PLA2G4A: variants seen among roughly 807,000 people sequenced by gnomAD.
PLA2G4A encodes the protein cytosolic phospholipase A2.
PLA2G4A carries 40 observed loss-of-function variants against 81.9 expected under a neutral mutation model. That is an observed-to-expected ratio of 0.49 (90% CI 0.38 to 0.64). The LOEUF (loss-of-function observed/expected upper bound fraction) is 0.64, where lower values mean the gene tolerates loss of function less well. PLA2G4A is among the 30% of genes least tolerant of loss of function. The pLI is 0.00. For synonymous variants in PLA2G4A, 302 were observed against 296.9 expected, an observed-to-expected ratio of 1.02 and a Z score of -0.18; for missense variants, 715 against 905.1, an observed-to-expected ratio of 0.79 and a Z score of 2.69.
Position 186,911,272 on chromosome 1 carries a change from T to A in PLA2G4A, c.441T>A (p.Ser147Arg). 6.2e-7 allele frequency: 1 copy of A among 1,612,678 alleles called. No individual in the cohort carries two copies. Among genetic ancestry groups the A allele is most frequent in the Non-Finnish European group, 8.5e-7 (1 of 1,178,742 alleles). Residue 147 changes from serine (S) to arginine (R), a missense_variant, in exon 7 of 18, where the codon AGT becomes AGA. Ser to Arg is a moderately radical substitution (Grantham distance 110, BLOSUM62 -1). Transcript: ENST00000367466. ...GCTCATGCCCAGACCTACGATTTAG[T>A]ATGGCTCTGTGTGATCAGGAGAAGA... The part of the protein sequence containing the change: ...EVCSCPDLRF[S>R]MALCDQEKTF...
intron 3 of PLA2G4A, among the ~76,000 whole-genome samples, chr1:186,883,588 A>G (rs184334594): frequency 1.6e-3 from 239 of 152,276 alleles, no homozygotes; most frequent in African/African-American, 5.6e-3. Flanking sequence ...AAGAATTCTA[A>G]TAAGAGATTT....
At chr1:186,946,564 G>T in intron 10 of PLA2G4A, 73 bp from the exon 11 acceptor site, 1 of 1,004,266 alleles carries the variant, frequency 1.0e-6, no homozygotes, top group Non-Finnish European at 1.6e-6. Context: ...TTATTAAAGT[G>T]ATCATTAATT....
At position 186,932,831 on chromosome 1, in the gene PLA2G4A, G is replaced by A. The variant is rs761525336; in HGVS notation, c.627G>A (p.Met209Ile). The A allele has an allele frequency of 1.2e-6, 2 of 1,613,128 alleles. No homozygotes were observed. Among genetic ancestry groups the A allele is most frequent in the South Asian group, 1.1e-5 (1 of 91,070 alleles). ...CCATGGTGGGATTCTCTGGTGTGATGAAGGCATTATACGAATCAGGAATTC... is the reference window on the plus strand; with the variant it reads ...CCATGGTGGGATTCTCTGGTGTGATAAAGGCATTATACGAATCAGGAATTC... ...FRAMVGFSGV[M>I]KALYESGILD... is the part of the protein sequence containing the mutation. Residue 209 changes from methionine to isoleucine, a missense_variant, in exon 8 of 18, where the codon ATG becomes ATA. Coordinates refer to ENST00000367466, the MANE Select transcript of PLA2G4A (RefSeq NM_024420.3).
intron 16 of PLA2G4A, 132 bp downstream of exon 16, chr1:186,977,920 A>G: frequency 1.4e-6 from 1 of 718,858 alleles, no homozygotes; most frequent in Admixed American, 2.0e-5. Flanking sequence ...CTTGATAAAT[A>G]GATACTATTC....
chr1:186,891,860 T>C (rs566254390), intron 3 of PLA2G4A, among the ~76,000 whole-genome samples: 17 of 152,312 alleles, frequency 1.1e-4, no homozygotes, highest in Admixed American at 8.5e-4. Flanking sequence ...TTTTAGGTTT[T>C]TGAGGAACCT....
At chr1:186,882,082 C>A (rs1030651239) in intron 3 of PLA2G4A, among the ~76,000 whole-genome samples, 4 of 152,146 alleles carry the variant, frequency 2.6e-5, no homozygotes, top group African/African-American at 9.7e-5. Context: ...TGAACTTGCT[C>A]AGCTCACTAA....
intron 2 of PLA2G4A, among the ~76,000 whole-genome samples, chr1:186,868,947 C>T (rs1235649316): frequency 6.8e-6 from 1 of 147,894 alleles, no homozygotes; most frequent in Non-Finnish European, 1.5e-5. Context: ...CTTAGCATGG[C>T]TAATGGCTCA....
intron 1 of PLA2G4A, among the ~76,000 whole-genome samples, chr1:186,837,746 A>G (rs1651836451): frequency 6.7e-6 from 1 of 148,294 alleles, no homozygotes; most frequent in Admixed American, 6.7e-5. Flanking sequence ...CAAAAAAAAA[A>G]AAAAAAGAAA....
At chr1:186,890,406 T>C (rs1654093328) in intron 3 of PLA2G4A, among the ~76,000 whole-genome samples, 1 of 152,174 alleles carries the variant, frequency 6.6e-6, no homozygotes. Context: ...AAAGGAGTGA[T>C]CAATACTTGC....
At chr1:186,869,838 G>A (rs1653187652) in intron 2 of PLA2G4A, among the ~76,000 whole-genome samples, 1 of 152,200 alleles carries the variant, frequency 6.6e-6, no homozygotes, top group South Asian at 2.1e-4. Flanking sequence ...TAGGTGAAGT[G>A]TCTAATGAAG....
chr1:186,835,902 C>T (rs1651760738), intron 1 of PLA2G4A, among the ~76,000 whole-genome samples: 1 of 152,130 alleles, frequency 6.6e-6, no homozygotes, highest in African/African-American at 2.4e-5. Flanking sequence ...TTACTTGGTA[C>T]TTAATTTTTG....
intron 1 of PLA2G4A, among the ~76,000 whole-genome samples, chr1:186,844,790 A>AT (rs1652113101): frequency 6.6e-6 from 1 of 152,240 alleles, no homozygotes; most frequent in African/African-American, 2.4e-5. Flanking sequence ...GTATAATAAA[A>AT]AAAATTTATT....
At chr1:186,949,784 G>T (rs535055989) in intron 12 of PLA2G4A, among the ~76,000 whole-genome samples, 31 of 152,096 alleles carry the variant, frequency 2.0e-4, no homozygotes, top group African/African-American at 7.2e-4. Flanking sequence ...TTCTTTGGGA[G>T]GCCAAGGAAG....
chr1:186,887,513 C>T (rs554600278), intron 3 of PLA2G4A, among the ~76,000 whole-genome samples: 1 of 152,220 alleles, frequency 6.6e-6, no homozygotes, highest in African/African-American at 2.4e-5. Context: ...CTGTATTCCA[C>T]ACCCCCGACA....
chr1:186,861,137 G>A (rs1571342636), intron 2 of PLA2G4A, among the ~76,000 whole-genome samples: 1 of 152,154 alleles, frequency 6.6e-6, no homozygotes, highest in Admixed American at 6.6e-5. Flanking sequence ...CTAGCAGTTT[G>A]GGACAAATGT....
At chr1:186,856,024 C>A (rs1401293906) in intron 2 of PLA2G4A, among the ~76,000 whole-genome samples, 2 of 151,848 alleles carry the variant, frequency 1.3e-5, no homozygotes, top group Non-Finnish European at 2.9e-5. Context: ...CTTTGCATTT[C>A]CATATAATTT....
At chr1:186,917,772 A>G (rs1361311723) in intron 7 of PLA2G4A, among the ~76,000 whole-genome samples, 1 of 152,212 alleles carries the variant, frequency 6.6e-6, no homozygotes, top group Non-Finnish European at 1.5e-5. Context: ...TGTTACCTCC[A>G]CATTTTGGCA....
chr1:186,919,713 A>T (rs147683069), intron 7 of PLA2G4A, among the ~76,000 whole-genome samples: 1 of 152,182 alleles, frequency 6.6e-6, no homozygotes, highest in Non-Finnish European at 1.5e-5. Flanking sequence ...TCTGATGCTA[A>T]AGAAGGCATC....
chr1:186,867,671 A>G (rs1294670501), intron 2 of PLA2G4A, among the ~76,000 whole-genome samples: 1 of 152,012 alleles, frequency 6.6e-6, no homozygotes, highest in Non-Finnish European at 1.5e-5. Context: ...TTCATTCTCA[A>G]TCTATATGCC....
Sources: gnomAD v4.1 joint callset for allele counts (sites outside exome capture counted in the v4.1 genomes callset) on GRCh38, gnomAD v4.1.1 for gene constraint, MANE v1.5 for transcripts, NCBI Gene and HGNC (gene_info 2026-07-23, HGNC 2026-07-21) for gene names.